ST8SIA4: variants seen among roughly 807,000 people sequenced by gnomAD.
ST8SIA4 encodes ST8 alpha-N-acetyl-neuraminide alpha-2,8-sialyltransferase 4, also known as CMP-N-acetylneuraminate-poly-alpha-2,8-sialyltransferase.
In ST8SIA4, 15 loss-of-function variants were observed where a neutral mutation model predicts 33.9. That is an observed-to-expected ratio of 0.44 (90% CI 0.30 to 0.68). The LOEUF is 0.68. Ranked by LOEUF, ST8SIA4 falls within the 30% of genes least tolerant of loss-of-function variation. ST8SIA4 has a pLI of 0.10. For synonymous variants in ST8SIA4, 171 were observed against 151.2 expected (o/e 1.13, Z -0.96); for missense variants, 321 against 428.0 (o/e 0.75, Z 2.21).
chr5:100,884,013 A>G (rs1351571408), intron 3 of ST8SIA4, among the ~76,000 whole-genome samples: 1 of 152,200 alleles, frequency 6.6e-6, no homozygotes, highest in Non-Finnish European at 1.5e-5. Context: ...AGACATTCAA[A>G]TCCATCTGAT....
Position 100,810,729 on chromosome 5 carries a change from G to T in ST8SIA4, c.*1118C>A, listed in dbSNP as rs1394608876. On this transcript the variant is annotated 3_prime_UTR_variant, in exon 5 of 5. Coordinates refer to ENST00000231461, the MANE Select transcript of ST8SIA4 (RefSeq NM_005668.6). ...CACAAGTGTAATCTTTGGTACCAAA[G>T]ATTTTTTTTTCCCGGCCTATTTTAC... 1 of 152,414 alleles carries T rather than the reference G, an allele frequency of 6.6e-6. No individual in the cohort carries two copies. The highest frequency in any genetic ancestry group is 1.5e-5 in the Non-Finnish European group (1 of 67,974). The allele number at this position is 152,414 out of a possible 1,614,324, so 9.4% of individuals were successfully genotyped here.
At chr5:100,864,386 A>G (rs899741802) in intron 3 of ST8SIA4, among the ~76,000 whole-genome samples, 9 of 151,958 alleles carry the variant, frequency 5.9e-5, no homozygotes, top group African/African-American at 2.2e-4. Flanking sequence ...TATCCTGGCT[A>G]ACATGGTGAA....
chr5:100,895,904 T>G, intron 1 of ST8SIA4, 119 bp from the exon 2 acceptor site: 1 of 1,088,208 alleles, frequency 9.2e-7, no homozygotes, highest in Non-Finnish European at 1.3e-6. Flanking sequence ...CCCCTACAAG[T>G]TAGAAGGAAA....
At chr5:100,815,735 A>G (rs1331914866) in intron 4 of ST8SIA4, among the ~76,000 whole-genome samples, 1 of 152,122 alleles carries the variant, frequency 6.6e-6, no homozygotes, top group Non-Finnish European at 1.5e-5. Context: ...AGTGTGCTAT[A>G]GAAGGCTATA....
In ST8SIA4 at chr5:100,895,764, A is replaced by C; in HGVS notation, c.135T>G (p.Ser45Arg). The C allele has an allele frequency of 6.2e-7, 1 of 1,612,380 alleles. No homozygotes were observed. The highest frequency in any genetic ancestry group is 8.5e-7 in the Non-Finnish European group (1 of 1,178,964). Residue 45 changes from serine to arginine, a missense_variant, in exon 2 of 5, where the codon AGT (serine) becomes AGG (arginine). Coordinates refer to ENST00000231461, the MANE Select transcript of ST8SIA4 (RefSeq NM_005668.6). Reference protein sequence around the residue: ...QLIGDGELSLSRSLVNSSDKI... With the variant: ...QLIGDGELSLRRSLVNSSDKI... ...TATCAGAGCTATTGACAAGTGACCG[A>C]CTCAAAGACAATTCACCATCTCTGA...
chr5:100,837,961 A>G (rs191858220), intron 4 of ST8SIA4, among the ~76,000 whole-genome samples: 15 of 152,164 alleles, frequency 9.9e-5, no homozygotes. Flanking sequence ...AGTATTCTCC[A>G]TTTCTGAGAG....
intron 1 of ST8SIA4, among the ~76,000 whole-genome samples, chr5:100,900,012 T>A (rs1011064612): frequency 6.6e-6 from 1 of 152,174 alleles, no homozygotes; most frequent in African/African-American, 2.4e-5. Context: ...TTTGGAGATA[T>A]GAGAATGTGG....
intron 4 of ST8SIA4, among the ~76,000 whole-genome samples, chr5:100,832,296 G>A (rs1013356710): frequency 4.6e-5 from 7 of 152,008 alleles, no homozygotes; most frequent in African/African-American, 1.7e-4. Context: ...TAACTAAGAT[G>A]TGATACTGTA....
intron 4 of ST8SIA4, among the ~76,000 whole-genome samples, chr5:100,848,423 T>C (rs922412980): frequency 6.6e-6 from 1 of 150,394 alleles, no homozygotes; most frequent in Non-Finnish European, 1.5e-5. Flanking sequence ...GTGTAAATTA[T>C]TTACAGTATA....
intron 4 of ST8SIA4, among the ~76,000 whole-genome samples, chr5:100,842,935 A>G (rs1218774183): frequency 6.6e-6 from 1 of 151,872 alleles, no homozygotes; most frequent in Admixed American, 6.6e-5. Context: ...TTTGTAACTG[A>G]TGCAAATATT....
intron 4 of ST8SIA4, among the ~76,000 whole-genome samples, chr5:100,813,152 T>C (rs949958392): frequency 6.6e-6 from 1 of 152,120 alleles, no homozygotes; most frequent in Non-Finnish European, 1.5e-5. Context: ...CATATTATTT[T>C]CTTTTTCTCT....
chr5:100,838,242 A>G (rs1297531043), intron 4 of ST8SIA4, among the ~76,000 whole-genome samples: 5 of 152,026 alleles, frequency 3.3e-5, no homozygotes, highest in Non-Finnish European at 4.4e-5. Context: ...GATCTTTAAA[A>G]GAATCACCAG....
At chr5:100,874,032 AC>A (rs1236800946) in intron 3 of ST8SIA4, among the ~76,000 whole-genome samples, 3 of 152,184 alleles carry the variant, frequency 2.0e-5, no homozygotes, top group Non-Finnish European at 4.4e-5. Flanking sequence ...TGTAATATAT[AC>A]ACTATTACAT....
chr5:100,844,611 A>G (rs896063886), intron 4 of ST8SIA4, among the ~76,000 whole-genome samples: 1 of 151,912 alleles, frequency 6.6e-6, no homozygotes, highest in African/African-American at 2.4e-5. Context: ...TATTTTATCC[A>G]TGGAATGTGA....
intron 3 of ST8SIA4, among the ~76,000 whole-genome samples, chr5:100,883,028 G>A (rs1459409122): frequency 6.6e-6 from 1 of 152,192 alleles, no homozygotes; most frequent in Non-Finnish European, 1.5e-5. Flanking sequence ...GCCTAGCGGA[G>A]CTGTGAGAAG....
At chr5:100,883,372 C>T (rs1455879610) in intron 3 of ST8SIA4, among the ~76,000 whole-genome samples, 2 of 152,146 alleles carry the variant, frequency 1.3e-5, no homozygotes. Context: ...AACTGTACTC[C>T]CATTGTATCT....
At chr5:100,872,979 C>A (rs181495197) in intron 3 of ST8SIA4, among the ~76,000 whole-genome samples, 20 of 152,008 alleles carry the variant, frequency 1.3e-4, no homozygotes, top group African/African-American at 4.8e-4. Context: ...TAAGAATCAC[C>A]TGGACACTGT....
intron 4 of ST8SIA4, among the ~76,000 whole-genome samples, chr5:100,818,410 C>T (rs879913192): frequency 1.3e-5 from 2 of 152,030 alleles, no homozygotes; most frequent in Non-Finnish European, 2.9e-5. Context: ...ATAAAGGACC[C>T]ACTTTTCTCA....
intron 1 of ST8SIA4, among the ~76,000 whole-genome samples, chr5:100,902,030 A>T (rs1290385580): frequency 6.6e-6 from 1 of 152,230 alleles, no homozygotes; most frequent in Non-Finnish European, 1.5e-5. Flanking sequence ...GTTGACAATC[A>T]GGTTCACATC....
Sources: allele counts gnomAD v4.1 joint callset (sites outside exome capture counted in the v4.1 genomes callset), GRCh38; gene constraint gnomAD v4.1.1; transcripts MANE v1.5; gene names NCBI Gene and HGNC (gene_info 2026-07-23, HGNC 2026-07-21).